The following APOO variants were observed in gnomAD, a reference collection of about 807,000 sequenced individuals.
APOO encodes the protein MICOS complex subunit MIC26.
Under a neutral mutation model 23.1 loss-of-function variants are expected in APOO, and 11 were observed. The observed-to-expected ratio is 0.48, with a 90% CI of 0.30 to 0.79. APOO has a LOEUF of 0.79. APOO is among the 30% of genes least tolerant of loss of function. APOO has a pLI of 0.07. For missense variants in APOO, 160 were observed against 142.7 expected (o/e 1.12, Z -0.62); for synonymous variants, 59 against 54.8 (o/e 1.08, Z -0.34).
At chrX:23,864,431 T>C (rs1239526852) in intron 5 of APOO, among the ~76,000 whole-genome samples, 1 of 110,928 alleles carries the variant, frequency 9.0e-6, no homozygotes, top group Non-Finnish European at 1.9e-5. Flanking sequence ...GCCTCCCAAG[T>C]AGCTGGGATT....
chrX:23,868,478 C>A, intron 5 of APOO, 115 bp downstream of exon 5: 1 of 510,062 alleles, frequency 2.0e-6, no homozygotes. Flanking sequence ...TTAAGAAAGC[C>A]GTATTTAGGA....
intron 2 of APOO, 42 bp from the exon 3 acceptor site, chrX:23,879,076 G>A (rs1323065026): frequency 8.6e-7 from 1 of 1,169,010 alleles, no homozygotes; most frequent in Admixed American, 2.3e-5. Flanking sequence ...AAGATGTACT[G>A]TCTACAGGAT....
intron 1 of APOO, among the ~76,000 whole-genome samples, chrX:23,900,163 T>C (rs1927064698): frequency 8.9e-6 from 1 of 112,439 alleles, no homozygotes; most frequent in South Asian, 3.6e-4. Flanking sequence ...CGTTTTACAG[T>C]TGTTAAGTCC....
intron 3 of APOO, among the ~76,000 whole-genome samples, chrX:23,875,468 G>C (rs1186565582): frequency 9.8e-6 from 1 of 102,241 alleles, no homozygotes; most frequent in Admixed American, 1.1e-4. Flanking sequence ...GCCCAGGCTG[G>C]AGTGCAGTGG....
intron 5 of APOO, among the ~76,000 whole-genome samples, chrX:23,867,404 A>G (rs1925392989): frequency 9.2e-6 from 1 of 109,024 alleles, no homozygotes; most frequent in Non-Finnish European, 1.9e-5. Flanking sequence ...GCATCTCTCT[A>G]GCTCCCTCTC....
At chrX:23,858,561 A>G in intron 6 of APOO, 81 bp downstream of exon 6, 1 of 974,051 alleles carries the variant, frequency 1.0e-6, no homozygotes, top group East Asian at 3.1e-5. Context: ...AAGAACTGCA[A>G]AATAAAATAA....
chrX:23,858,764 G>T, intron 5 of APOO, 31 bp from the exon 6 acceptor site: 1 of 1,127,378 alleles, frequency 8.9e-7, no homozygotes, highest in Non-Finnish European at 1.2e-6. Flanking sequence ...CACGCCATCA[G>T]ATGATTCATT....
chrX:23,838,377 AG>A (rs201143872), intron 8 of APOO, among the ~76,000 whole-genome samples: 16 of 85,446 alleles, frequency 1.9e-4, no homozygotes, highest in African/African-American at 7.6e-4. Flanking sequence ...AAAAAAAAAA[AG>A]AAAGAAAGAA....
In APOO at chrX:23,902,335, T is replaced by A. The variant is rs756263568; in HGVS notation, c.9+5359A>T. On this transcript the variant is annotated intron_variant, in intron 1 of 8. Transcript: ENST00000379226. Reference sequence around the variant, plus strand: ...CAGTTCCTGGACGCCAACTAAAAAGTCAGTCAGAACCATGCGCAGGGGCTT... The same window carrying A: ...CAGTTCCTGGACGCCAACTAAAAAGACAGTCAGAACCATGCGCAGGGGCTT... Among the ~76,000 whole-genome samples, 12 of 111,428 alleles carry A rather than the reference T, an allele frequency of 1.1e-4. No homozygotes were observed. In the East Asian group the frequency reaches 3.4e-3, roughly 31 times the overall value.
intron 7 of APOO, among the ~76,000 whole-genome samples, chrX:23,846,628 CAAAA>C (rs59513332): frequency 8.7e-4 from 35 of 40,373 alleles, no homozygotes; most frequent in Non-Finnish European, 1.5e-3. Context: ...GACTCCATCT[CAAAA>C]AAAAAAAAAA....
chrX:23,886,905 G>A (rs1003425793), intron 1 of APOO, among the ~76,000 whole-genome samples: 4 of 111,507 alleles, frequency 3.6e-5, no homozygotes, highest in African/African-American at 1.3e-4. Flanking sequence ...GATTTAAGAA[G>A]GGAAAGGCTA....
intron 3 of APOO, among the ~76,000 whole-genome samples, chrX:23,875,447 T>C (rs2147011738): frequency 9.7e-6 from 1 of 103,206 alleles, no homozygotes; most frequent in South Asian, 4.7e-4. Context: ...AGATAGAGTT[T>C]CGCTTTTGTC....
chrX:23,907,038 T>G (rs1927389520), intron 1 of APOO, among the ~76,000 whole-genome samples: 1 of 112,657 alleles, frequency 8.9e-6, no homozygotes, highest in African/African-American at 3.2e-5. Context: ...TACATATAAT[T>G]TACTTTTTAA....
rs764731820 is a variant in APOO, at chrX:23,850,042, T to C, written c.561+6260A>G. ...GTACAATAACGGTATTGTGATCATA[T>C]AAATGAATGTCCACGTTCTTTGGAA... is the stretch of plus-strand genomic sequence containing the variant. On this transcript the variant is annotated intron_variant, in intron 7 of 8. Transcript: ENST00000379226. 2.7e-5 allele frequency among the ~76,000 whole-genome samples: 3 copies of C among 112,202 alleles called. No homozygotes were observed. The East Asian group carries it at 8.3e-4, about 31-fold the overall frequency.
At chrX:23,864,183 C>G (rs973655865) in intron 5 of APOO, among the ~76,000 whole-genome samples, 1 of 109,820 alleles carries the variant, frequency 9.1e-6, no homozygotes, top group African/African-American at 3.3e-5. Flanking sequence ...TTAGTAGAGA[C>G]AGGGTTTCAC....
At chrX:23,857,075 G>A (rs771241932) in intron 6 of APOO, among the ~76,000 whole-genome samples, 15 of 110,510 alleles carry the variant, frequency 1.4e-4, no homozygotes, top group South Asian at 3.9e-4. Flanking sequence ...AACAGAGACC[G>A]AGGCCTACTT....
chrX:23,881,084 T>TA, intron 1 of APOO, 132 bp from the exon 2 acceptor site: 1 of 340,163 alleles, frequency 2.9e-6, no homozygotes, highest in East Asian at 4.9e-5. Context: ...TATTTATTTT[T>TA]ATGTTTTCAA....
intron 5 of APOO, among the ~76,000 whole-genome samples, chrX:23,860,710 C>T (rs950318605): frequency 5.6e-5 from 6 of 106,723 alleles, no homozygotes; most frequent in African/African-American, 1.4e-4. Flanking sequence ...TTTGTAGACA[C>T]GGGGTTTCCT....
intron 8 of APOO, among the ~76,000 whole-genome samples, chrX:23,835,763 G>A (rs953911096): frequency 2.6e-4 from 29 of 110,739 alleles, no homozygotes; most frequent in African/African-American, 9.5e-4. Flanking sequence ...TTAAGCCTTC[G>A]GATCCAACTA....
Sources: allele counts gnomAD v4.1 joint callset (sites outside exome capture counted in the v4.1 genomes callset), GRCh38; gene constraint gnomAD v4.1.1; transcripts MANE v1.5; gene names NCBI Gene and HGNC (gene_info 2026-07-23, HGNC 2026-07-21).